The following SPAG16 variants were observed in gnomAD, a reference collection of about 807,000 sequenced individuals.
The protein encoded by SPAG16 is sperm associated antigen 16, also known as sperm-associated antigen 16 protein.
In SPAG16, 86 loss-of-function variants were observed where a neutral mutation model predicts 80.4. That is an observed-to-expected ratio of 1.07 (90% CI 0.90 to 1.28). SPAG16 has a LOEUF of 1.28. Ranked by LOEUF, SPAG16 falls within the 50% of genes most tolerant of loss-of-function variation. The pLI, the probability that SPAG16 is intolerant of heterozygous loss-of-function variation, is 0.00. For synonymous variants in SPAG16, 294 were observed against 265.9 expected, an observed-to-expected ratio of 1.11 and a Z score of -1.03; for missense variants, 870 against 765.3, an observed-to-expected ratio of 1.14 and a Z score of -1.61.
At chr2:213,519,784 A>G (rs138947127) in intron 10 of SPAG16, among the ~76,000 whole-genome samples, 7 of 152,252 alleles carry the variant, frequency 4.6e-5, no homozygotes, top group Middle Eastern at 3.4e-3. Flanking sequence ...AAATGAAAGC[A>G]CACATGTTTT....
At chr2:214,173,913 G>T (rs1196557768) in intron 15 of SPAG16, among the ~76,000 whole-genome samples, 1 of 151,886 alleles carries the variant, frequency 6.6e-6, no homozygotes, top group Admixed American at 6.6e-5. Context: ...ATGCAAGGCT[G>T]GTTCAATATA....
At chr2:213,938,847 T>A (rs1486031445) in intron 12 of SPAG16, among the ~76,000 whole-genome samples, 1 of 149,838 alleles carries the variant, frequency 6.7e-6, no homozygotes, top group Non-Finnish European at 1.5e-5. Context: ...CATTTCTATT[T>A]AGATAATAAA....
chr2:214,198,037 C>G (rs935927093), intron 15 of SPAG16, among the ~76,000 whole-genome samples: 12 of 152,044 alleles, frequency 7.9e-5, no homozygotes, highest in African/African-American at 2.9e-4. Context: ...TTATAGATAA[C>G]TTGTTTTCAC....
intron 15 of SPAG16, among the ~76,000 whole-genome samples, chr2:214,187,887 A>G (rs2057531853): frequency 6.6e-6 from 1 of 152,194 alleles, no homozygotes; most frequent in East Asian, 1.9e-4. Context: ...ACTTTGAGCT[A>G]TTCTCTCTAG....
chr2:213,623,737 T>C (rs777764781), intron 10 of SPAG16, among the ~76,000 whole-genome samples: 10 of 152,128 alleles, frequency 6.6e-5, no homozygotes, highest in Non-Finnish European at 7.4e-5. Flanking sequence ...TTGGTTAATA[T>C]TCAAAAACTG....
intron 3 of SPAG16, among the ~76,000 whole-genome samples, chr2:213,300,611 G>A (rs2062700778): frequency 6.6e-6 from 1 of 152,124 alleles, no homozygotes; most frequent in South Asian, 2.1e-4. Context: ...GTAAAAATTT[G>A]TAACAGTGTC....
intron 4 of SPAG16, among the ~76,000 whole-genome samples, chr2:213,312,426 C>T (rs1472938854): frequency 6.6e-6 from 1 of 151,626 alleles, no homozygotes; most frequent in Non-Finnish European, 1.5e-5. Flanking sequence ...ATATGTCATC[C>T]ATCTGTCTTC....
intron 11 of SPAG16, among the ~76,000 whole-genome samples, chr2:213,890,895 A>T (rs1472751231): frequency 6.6e-6 from 1 of 152,030 alleles, no homozygotes; most frequent in East Asian, 1.9e-4. Flanking sequence ...GGAGGTGGGG[A>T]ATGAAGAGAT....
intron 10 of SPAG16, among the ~76,000 whole-genome samples, chr2:213,635,945 T>C (rs576522751): frequency 5.3e-5 from 8 of 152,246 alleles, no homozygotes; most frequent in Non-Finnish European, 7.3e-5. Flanking sequence ...AGAAGCATTT[T>C]AGTTTAATTA....
intron 10 of SPAG16, among the ~76,000 whole-genome samples, chr2:213,656,103 G>T (rs1014900769): frequency 4.6e-5 from 7 of 152,360 alleles, no homozygotes; most frequent in Admixed American, 3.3e-4. Flanking sequence ...GCCCGAATAT[G>T]CTGCTATAGA....
chr2:213,877,826 A>C (rs2217159), intron 11 of SPAG16, among the ~76,000 whole-genome samples: 90,020 of 151,670 alleles, frequency 0.59, 28,596 homozygotes, highest in South Asian at 0.85. Context: ...CCATGTGCCA[A>C]TCTCAATTCC....
chr2:214,275,217 A>G (rs1184852981), intron 15 of SPAG16, among the ~76,000 whole-genome samples: 2 of 152,130 alleles, frequency 1.3e-5, no homozygotes, highest in South Asian at 2.1e-4. Flanking sequence ...CTAGCAGTCT[A>G]TCAATTTTGT....
chr2:214,085,203 G>A (rs181148088), intron 13 of SPAG16, among the ~76,000 whole-genome samples: 1 of 151,978 alleles, frequency 6.6e-6, no homozygotes. Context: ...ACGAACAAGA[G>A]TGAGTCAAAA....
At chr2:213,980,304 TTCTCTATATATATAG>T (rs2045644403) in intron 12 of SPAG16, among the ~76,000 whole-genome samples, 2 of 28,054 alleles carry the variant, frequency 7.1e-5, no homozygotes, top group African/African-American at 7.0e-4. Context: ...TGTATATATA[TTCTCTATATATATAG>T]AATATATGTG....
At chr2:214,029,462 T>G (rs1204720280) in intron 13 of SPAG16, among the ~76,000 whole-genome samples, 1 of 152,052 alleles carries the variant, frequency 6.6e-6, no homozygotes, top group African/African-American at 2.4e-5. Flanking sequence ...GCATTACCTT[T>G]TATCACACTA....
chr2:213,602,594 A>G (rs2061108578), intron 10 of SPAG16, among the ~76,000 whole-genome samples: 1 of 152,252 alleles, frequency 6.6e-6, no homozygotes, highest in South Asian at 2.1e-4. Context: ...AGATCGTGCC[A>G]CTGTGCTCCA....
chr2:213,709,630 C>T (rs2065899074), intron 10 of SPAG16, among the ~76,000 whole-genome samples: 1 of 151,746 alleles, frequency 6.6e-6, no homozygotes, highest in Non-Finnish European at 1.5e-5. Context: ...TGTTGTGGAC[C>T]TTACTCTGTT....
At chr2:214,057,424 T>C (rs2050003388) in intron 13 of SPAG16, among the ~76,000 whole-genome samples, 1 of 152,136 alleles carries the variant, frequency 6.6e-6, no homozygotes, top group Admixed American at 6.6e-5. Flanking sequence ...TAATCTTTTT[T>C]TTGGAGCAGT....
At chr2:213,307,169 A>G (rs1348300284) in intron 3 of SPAG16, among the ~76,000 whole-genome samples, 2 of 152,148 alleles carry the variant, frequency 1.3e-5, no homozygotes, top group Non-Finnish European at 2.9e-5. Flanking sequence ...ATCAGTAATA[A>G]ACATCAGTGT....
Sources: allele counts gnomAD v4.1 joint callset (sites outside exome capture counted in the v4.1 genomes callset), GRCh38; gene constraint gnomAD v4.1.1; transcripts MANE v1.5; gene names NCBI Gene and HGNC (gene_info 2026-07-23, HGNC 2026-07-21).